Variants in TCF7L2 observed in about 807,000 individuals in gnomAD.
TCF7L2 encodes transcription factor 7-like 2.
Under a neutral mutation model 77.9 loss-of-function variants are expected in TCF7L2, and 23 were observed. That is an observed-to-expected ratio of 0.30 (90% CI 0.21 to 0.42). The LOEUF (loss-of-function observed/expected upper bound fraction) is 0.42, where lower values mean the gene tolerates loss of function less well. TCF7L2 is among the 10% of genes least tolerant of loss of function. The pLI, the probability that TCF7L2 is intolerant of heterozygous loss-of-function variation, is 1.00. For missense variants in TCF7L2, 654 were observed against 793.1 expected (o/e 0.82, Z 2.11); for synonymous variants, 413 against 340.2 (o/e 1.21, Z -2.36).
intron 5 of TCF7L2, among the ~76,000 whole-genome samples, chr10:113,089,911 T>C (rs959670947): frequency 1.3e-5 from 2 of 152,302 alleles, no homozygotes; most frequent in Admixed American, 1.3e-4. Context: ...CAGTTCACAA[T>C]GGAGGAGAAG....
intron 5 of TCF7L2, chr10:113,129,999 G>T (rs1163698164): frequency 3.2e-6 from 4 of 1,267,018 alleles, no homozygotes; most frequent in South Asian, 1.3e-5. Context: ...TGAGTAGTGG[G>T]GTGTGTGGTG....
At position 113,097,278 on chromosome 10, in the gene TCF7L2, CCA is replaced by C. The variant is rs1281860213; in HGVS notation, c.553-43905_553-43904del. Among the ~76,000 whole-genome samples, 3 of 152,168 alleles carry C rather than the reference CCA, an allele frequency of 2.0e-5. No individual in the cohort carries two copies. The South Asian group carries it at 6.2e-4, about 32-fold the overall frequency. On this transcript the variant is annotated intron_variant, in intron 5 of 13. Coordinates refer to ENST00000627217, the MANE Select transcript of TCF7L2 (RefSeq NM_001146274.2). ...ACTAGAAAGTAGGAGCAGCTTGTAA[CCA>C]ACCAGGGGGAAGTCCTGTGTGTAGG...
chr10:113,077,497 C>G (rs904305984), intron 5 of TCF7L2, among the ~76,000 whole-genome samples: 2 of 152,118 alleles, frequency 1.3e-5, no homozygotes, highest in East Asian at 3.8e-4. Context: ...CCATTTCCCC[C>G]ACTCTGCCTT....
Position 113,166,878 on chromosome 10 carries a change from T to G in TCF7L2, c.*906T>G, listed in dbSNP as rs1046136971. 2 of 229,502 alleles carry G rather than the reference T, an allele frequency of 8.7e-6. No individual in the cohort carries two copies. 14.2% of individuals were successfully genotyped at this position (229,502 alleles called of 1,614,324 possible). ...ACCAAATGGACATTAATAGTTGCAT[T>G]AAGGATCAGTAGCATTAACAAAAGT... is the stretch of plus-strand genomic sequence containing the variant. On this transcript the variant is annotated 3_prime_UTR_variant, in exon 14 of 14. Transcript: ENST00000627217.
intron 5 of TCF7L2, among the ~76,000 whole-genome samples, chr10:113,041,628 TGTAAAGAAGTTGCTG>T (rs2052461943): frequency 6.6e-6 from 1 of 152,052 alleles, no homozygotes; most frequent in African/African-American, 2.4e-5. Context: ...AGTGCATAGG[TGTAAAGAAGTTGCTG>T]GTTGGGGGTT....
intron 5 of TCF7L2, among the ~76,000 whole-genome samples, chr10:113,128,586 G>T (rs2066042590): frequency 6.6e-6 from 1 of 152,166 alleles, no homozygotes; most frequent in African/African-American, 2.4e-5. Context: ...CCATGTGGCA[G>T]CAGGGGTGTT....
intron 8 of TCF7L2, among the ~76,000 whole-genome samples, chr10:113,147,817 G>A (rs1340089776): frequency 3.3e-5 from 5 of 152,128 alleles, no homozygotes; most frequent in Non-Finnish European, 7.3e-5. Flanking sequence ...CTGATCGATT[G>A]AATTATCATT....
At chr10:113,059,789 A>G (rs2056121983) in intron 5 of TCF7L2, among the ~76,000 whole-genome samples, 1 of 152,182 alleles carries the variant, frequency 6.6e-6, no homozygotes, top group Non-Finnish European at 1.5e-5. Context: ...AAAAAGACAG[A>G]AAATCACATT....
chr10:113,152,614 C>G (rs1340475612), intron 11 of TCF7L2, among the ~76,000 whole-genome samples, 174 bp downstream of exon 11: 1 of 152,158 alleles, frequency 6.6e-6, no homozygotes, highest in East Asian at 1.9e-4. Flanking sequence ...GGAGGGGCTT[C>G]CCGTGTGGAT....
At chr10:113,146,148 A>G (rs1417793091) in intron 8 of TCF7L2, 51 bp downstream of exon 8, 1 of 1,576,356 alleles carries the variant, frequency 6.3e-7, no homozygotes, top group South Asian at 1.1e-5. Flanking sequence ...TGACTTCTCA[A>G]GAAGTTCTCT....
At chr10:113,051,226 CACACACACACACACACAG>C (rs1009301178) in intron 5 of TCF7L2, among the ~76,000 whole-genome samples, 3 of 147,922 alleles carry the variant, frequency 2.0e-5, no homozygotes, top group Admixed American at 6.8e-5. Flanking sequence ...CACACACACA[CACACACACACACACACAG>C]ACACATACAT....
intron 5 of TCF7L2, among the ~76,000 whole-genome samples, chr10:113,094,883 C>T (rs2135739256): frequency 6.6e-6 from 1 of 152,316 alleles, no homozygotes; most frequent in African/African-American, 2.4e-5. Flanking sequence ...CTTTGAGAGG[C>T]TGAGGCAGGT....
chr10:113,048,221 C>T (rs1480478694), intron 5 of TCF7L2, among the ~76,000 whole-genome samples: 2 of 152,162 alleles, frequency 1.3e-5, no homozygotes, highest in African/African-American at 4.8e-5. Context: ...CTTAGAGCTA[C>T]ACTCATGGTT....
rs748254797 is a variant in TCF7L2, at chr10:112,950,973, G to GT, written c.189+34dup. 16 of 1,589,998 alleles carry GT rather than the reference G, an allele frequency of 1.0e-5. No homozygotes were observed. The East Asian group carries it at 1.4e-4, about 13-fold the overall frequency. ...AGGAAAAGCCCCTCGGGCTGGTGGG[G>GT]TTTTTTATCTGTTTCCTGGGCTTGG... On this transcript the variant is annotated intron_variant, in intron 1 of 13. Coordinates refer to ENST00000627217, the MANE Select transcript of TCF7L2 (RefSeq NM_001146274.2).
chr10:113,014,381 T>G (rs1349644310), intron 4 of TCF7L2, among the ~76,000 whole-genome samples: 2 of 152,190 alleles, frequency 1.3e-5, no homozygotes, highest in Non-Finnish European at 2.9e-5. Context: ...TTGCGAGGGT[T>G]AATTTCAGGG....
chr10:113,061,445 C>A (rs979084329), intron 5 of TCF7L2, among the ~76,000 whole-genome samples: 6 of 152,230 alleles, frequency 3.9e-5, no homozygotes, highest in Non-Finnish European at 7.3e-5. Flanking sequence ...AGCGTAAACT[C>A]AGCCCAGGTG....
chr10:113,018,873 C>T (rs779354870), intron 4 of TCF7L2, among the ~76,000 whole-genome samples: 24 of 152,204 alleles, frequency 1.6e-4, no homozygotes, highest in South Asian at 4.2e-4. Context: ...CACCTAGCAC[C>T]GGCCAGCTGC....
rs1442228713 is a variant in TCF7L2 at position 113,064,143 on chromosome 10, A to T, written c.552+24017A>T. Among the ~76,000 whole-genome samples, 4 of 152,162 alleles carry T rather than the reference A, an allele frequency of 2.6e-5. No individual in the cohort carries two copies. The East Asian group carries it at 7.7e-4, about 29-fold the overall frequency. On this transcript the variant is annotated intron_variant, in intron 5 of 13. Transcript: ENST00000627217. ...GAAGAAGGACTGTTTCTTTTGGGATATGTAACAGGCTTCCAATCAGGCATC... is the reference window on the plus strand; with the variant it reads ...GAAGAAGGACTGTTTCTTTTGGGATTTGTAACAGGCTTCCAATCAGGCATC...
chr10:113,097,747 C>T (rs957117989), intron 5 of TCF7L2, among the ~76,000 whole-genome samples: 12 of 146,756 alleles, frequency 8.2e-5, no homozygotes, highest in African/African-American at 2.8e-4. Flanking sequence ...GCATCTTTTA[C>T]TGGCTTCAGA....
Sources: gnomAD v4.1 joint callset for allele counts (sites outside exome capture counted in the v4.1 genomes callset) on GRCh38, gnomAD v4.1.1 for gene constraint, MANE v1.5 for transcripts, NCBI Gene and HGNC (gene_info 2026-07-23, HGNC 2026-07-21) for gene names.